GRIN3A: variants seen among roughly 807,000 people sequenced by gnomAD.
The protein encoded by GRIN3A is glutamate receptor ionotropic, NMDA 3A.
A neutral mutation model predicts 92.4 loss-of-function variants in GRIN3A; 47 were observed. The observed-to-expected ratio is 0.51, with a 90% confidence interval of 0.40 to 0.65. The LOEUF (loss-of-function observed/expected upper bound fraction) is 0.65. GRIN3A is among the 30% of genes least tolerant of loss of function. The pLI, the probability that GRIN3A is intolerant of heterozygous loss-of-function variation, is 0.00. For missense variants in GRIN3A, 1,324 were observed against 1,393.1 expected (o/e 0.95, Z 0.79); for synonymous variants, 527 against 540.6 (o/e 0.97, Z 0.35).
At chr9:101,595,152 G>T in intron 6 of GRIN3A, 1 of 579,642 alleles carries the variant, frequency 1.7e-6, no homozygotes, top group Non-Finnish European at 3.1e-6. Flanking sequence ...GGGGAGGTGG[G>T]TGCTGTCTGG....
intron 6 of GRIN3A, among the ~76,000 whole-genome samples, chr9:101,610,836 T>G (rs1428228095): frequency 1.3e-5 from 2 of 152,090 alleles, no homozygotes; most frequent in Non-Finnish European, 2.9e-5. Flanking sequence ...CGGTGGCTCA[T>G]GCCTGTAATC....
At chr9:101,626,388 A>G (rs1393859104) in intron 4 of GRIN3A, among the ~76,000 whole-genome samples, 1 of 152,170 alleles carries the variant, frequency 6.6e-6, no homozygotes, top group Non-Finnish European at 1.5e-5. Context: ...AATATGTAGA[A>G]AAGTTCCTTG....
In GRIN3A at chr9:101,593,339, T is replaced by C. The variant is rs1367918847; in HGVS notation, c.2767-13979A>G. ...CCACTAGGGAAAAGGCTTCCTGGAA[T>C]GAGAGAGCTCTCAGTTTCTCTTCTA... is the stretch of plus-strand genomic sequence containing the variant. On this transcript the variant is annotated intron_variant, in intron 6 of 8. Coordinates refer to ENST00000361820, the MANE Select transcript of GRIN3A (RefSeq NM_133445.3). 2 of 152,234 alleles carry C rather than the reference T, an allele frequency of 1.3e-5. 1 individual carries two copies. The highest frequency in any genetic ancestry group is 4.1e-4 in the South Asian group (2 of 4,830). The allele number at this position is 152,234 out of a possible 1,614,324, so 9.4% of individuals were successfully genotyped here.
In GRIN3A at chr9:101,738,233, C is replaced by T. The variant is rs1372296188; in HGVS notation, c.-254G>A. 3 of 526,964 alleles carry T rather than the reference C, an allele frequency of 5.7e-6. No homozygotes were observed. The highest frequency in any genetic ancestry group is 1.0e-5 in the Non-Finnish European group (3 of 295,450). The allele number at this position is 526,964 out of a possible 1,614,324, so 32.6% of individuals were successfully genotyped here. On this transcript the variant is annotated 5_prime_UTR_variant, in exon 1 of 9. Transcript: ENST00000361820. ...CCGGTCACTGCGCTGAGCAGGCAGG[C>T]GGGCGGGCCGGCGCCTGTCACCCGC...
At chr9:101,598,430 T>G (rs1236929618) in intron 6 of GRIN3A, among the ~76,000 whole-genome samples, 1 of 152,134 alleles carries the variant, frequency 6.6e-6, no homozygotes, top group Non-Finnish European at 1.5e-5. Flanking sequence ...GAGGTATTAT[T>G]AATTAGGTAT....
At chr9:101,583,091 T>C (rs1286757889) in intron 6 of GRIN3A, among the ~76,000 whole-genome samples, 1 of 152,210 alleles carries the variant, frequency 6.6e-6, no homozygotes, top group Non-Finnish European at 1.5e-5. Context: ...GTTATTATCC[T>C]TATTTCACAT....
intron 6 of GRIN3A, among the ~76,000 whole-genome samples, chr9:101,586,252 C>T (rs1051040994): frequency 6.6e-6 from 1 of 152,076 alleles, no homozygotes; most frequent in Non-Finnish European, 1.5e-5. Flanking sequence ...TGTTTATTGC[C>T]TATTTCCCCA....
intron 6 of GRIN3A, among the ~76,000 whole-genome samples, chr9:101,603,721 T>C (rs1282459842): frequency 1.3e-5 from 2 of 152,232 alleles, no homozygotes; most frequent in African/African-American, 4.8e-5. Flanking sequence ...CCTGTAATTT[T>C]AGAATCCCTC....
At position 101,573,125 on chromosome 9, in the gene GRIN3A, A is replaced by G. The variant is rs1225419580; in HGVS notation, c.*49T>C. 2 of 1,469,622 alleles carry G rather than the reference A, an allele frequency of 1.4e-6. No homozygotes were observed. The highest frequency in any genetic ancestry group is 9.5e-7 in the Non-Finnish European group (1 of 1,048,632). The allele number at this position is 1,469,622 out of a possible 1,614,324, so 91.0% of individuals were successfully genotyped here. On this transcript the variant is annotated 3_prime_UTR_variant, in exon 9 of 9. Coordinates refer to ENST00000361820, the MANE Select transcript of GRIN3A (RefSeq NM_133445.3). ...CAAAAGAGCATTACAAAGTGTCTCAAGGGCTCAGAGGAAGGTCAGGAACTG... is the reference window on the plus strand; with the variant it reads ...CAAAAGAGCATTACAAAGTGTCTCAGGGGCTCAGAGGAAGGTCAGGAACTG...
At chr9:101,649,373 G>A (rs28692910) in intron 3 of GRIN3A, among the ~76,000 whole-genome samples, 13,524 of 151,978 alleles carry the variant, frequency 0.089, 875 homozygotes, top group East Asian at 0.22. Context: ...ACCAGTTGCT[G>A]CAAACAGTGC....
intron 6 of GRIN3A, among the ~76,000 whole-genome samples, chr9:101,607,293 A>G (rs1360895500): frequency 6.6e-6 from 1 of 152,092 alleles, no homozygotes; most frequent in Non-Finnish European, 1.5e-5. Flanking sequence ...GAAATGGGGG[A>G]AAAAGGCACC....
intron 3 of GRIN3A, among the ~76,000 whole-genome samples, chr9:101,662,299 T>G (rs149676039): frequency 6.6e-6 from 1 of 151,830 alleles, no homozygotes; most frequent in African/African-American, 2.4e-5. Flanking sequence ...GGGGAATGAT[T>G]GTTCAAGATA....
chr9:101,577,298 T>C (rs1430642970), intron 8 of GRIN3A, among the ~76,000 whole-genome samples: 1 of 152,174 alleles, frequency 6.6e-6, no homozygotes, highest in Non-Finnish European at 1.5e-5. Context: ...ATGGAATTAA[T>C]TGCCTGCGGT....
chr9:101,660,827 A>G (rs1829163243), intron 3 of GRIN3A, among the ~76,000 whole-genome samples: 2 of 151,862 alleles, frequency 1.3e-5, no homozygotes, highest in South Asian at 2.1e-4. Flanking sequence ...GAAAGGTCAT[A>G]TCAAAAACGT....
In GRIN3A at chr9:101,690,306, T is replaced by C. The variant is rs371342168; in HGVS notation, c.700-3106A>G. Reference sequence around the variant, plus strand: ...AGGTAATTTAAAAGATTTTAAAATGTAATTTTTCTACACTTTGAATTGAAT... The same window carrying C: ...AGGTAATTTAAAAGATTTTAAAATGCAATTTTTCTACACTTTGAATTGAAT... On this transcript the variant is annotated intron_variant, in intron 1 of 8. Coordinates refer to ENST00000361820, the MANE Select transcript of GRIN3A (RefSeq NM_133445.3). 5.3e-5 allele frequency among the ~76,000 whole-genome samples: 8 copies of C among 152,336 alleles called. No individual in the cohort carries two copies. In the East Asian group the frequency reaches 1.2e-3, roughly 22 times the overall value.
chr9:101,687,330 C>T (rs921313192), intron 1 of GRIN3A, 130 bp from the exon 2 acceptor site: 4 of 911,192 alleles, frequency 4.4e-6, no homozygotes, highest in Admixed American at 2.1e-5. Flanking sequence ...GGATAAAATT[C>T]CCATAGTTTG....
intron 3 of GRIN3A, among the ~76,000 whole-genome samples, chr9:101,665,096 A>C (rs945110416): frequency 7.2e-5 from 11 of 151,986 alleles, no homozygotes; most frequent in Non-Finnish European, 1.2e-4. Context: ...TAAACTATTT[A>C]CACACAAGTA....
Position 101,670,855 on chromosome 9 carries a change from G to T in GRIN3A, c.1557C>A (p.Thr519=). 13 of 1,613,724 alleles carry T rather than the reference G, an allele frequency of 8.1e-6. No homozygotes were observed. Among genetic ancestry groups the T allele is most frequent in the Non-Finnish European group, 1.0e-5 (12 of 1,179,780 alleles). ...TGAAGACAAAAGGATGCTCAATCAG[G>T]GTAACCACTCTCAAGTGTAGCTTAC... is the stretch of plus-strand genomic sequence containing the variant. ...HPSKLHLRVV[T]LIEHPFVFTR... The change falls in exon 3 of 9, where the codon ACC becomes ACA. Residue 519 remains threonine (T), a synonymous_variant. Coordinates refer to ENST00000361820, the MANE Select transcript of GRIN3A (RefSeq NM_133445.3).
chr9:101,710,371 A>G (rs191296508), intron 1 of GRIN3A, among the ~76,000 whole-genome samples: 28 of 152,336 alleles, frequency 1.8e-4, no homozygotes, highest in African/African-American at 6.5e-4. Flanking sequence ...CACTTGTTGT[A>G]TAGAGAATGT....
Sources: gnomAD v4.1 joint callset for allele counts (sites outside exome capture counted in the v4.1 genomes callset) on GRCh38, gnomAD v4.1.1 for gene constraint, MANE v1.5 for transcripts, NCBI Gene and HGNC (gene_info 2026-07-23, HGNC 2026-07-21) for gene names.